Variants in ZBED1 observed in about 807,000 individuals in gnomAD.
ZBED1 encodes the protein zinc finger BED-type containing 1.
In ZBED1, 19 loss-of-function variants were observed where a neutral mutation model predicts 49.7. The ratio of observed to expected loss-of-function variants is 0.38; its 90% CI spans 0.27 to 0.56. The LOEUF (loss-of-function observed/expected upper bound fraction) is 0.56, where lower values mean the gene tolerates loss of function less well. Among genes scored for constraint, ZBED1 ranks in the 20% least tolerant of loss-of-function variants. ZBED1 has a pLI of 0.70. For missense variants in ZBED1, 806 were observed against 972.6 expected (o/e 0.83, Z 2.28); for synonymous variants, 439 against 440.3 (o/e 1.00, Z 0.04).
chrX:2,488,340 A>C lies in ZBED1; in HGVS notation c.*295T>G. On this transcript the variant is annotated 3_prime_UTR_variant, in exon 2 of 2. Transcript: ENST00000652001. Reference sequence around the variant, plus strand: ...CAGGCACATGCCATCAGTCCTGGCTAATTTTTGTATTTTTAGTAGAGACGG... The same window carrying C: ...CAGGCACATGCCATCAGTCCTGGCTCATTTTTGTATTTTTAGTAGAGACGG... 8.4e-6 allele frequency: 3 copies of C among 357,824 alleles called. No individual in the cohort carries two copies. The highest frequency in any genetic ancestry group is 1.5e-5 in the Non-Finnish European group (3 of 202,024). The allele number at this position is 357,824 out of a possible 1,614,324, so 22.2% of individuals were successfully genotyped here.
chrX:2,490,050 T>C lies in ZBED1; in HGVS notation c.670A>G (p.Asn224Asp). Residue 224 changes from asparagine (N) to aspartate (D), a missense_variant, in exon 2 of 2, where the codon AAC becomes GAC. Physicochemically the swap from Asn to Asp is conservative, Grantham distance 23 (BLOSUM62 1). Transcript: ENST00000652001. Reference sequence around the variant, plus strand: ...CAGCGGGAGCCCATGGACAGGCAGTTGGGGGCGCCCAGGCCCAGGAAGTGG... The same window carrying C: ...CAGCGGGAGCCCATGGACAGGCAGTCGGGGGCGCCCAGGCCCAGGAAGTGG... Reference protein sequence around the residue: ...AAHFLGLGAPNCLSMGSRCLK... With the variant: ...AAHFLGLGAPDCLSMGSRCLK... 1.2e-6 allele frequency: 2 copies of C among 1,613,708 alleles called. No homozygotes were observed. The highest frequency in any genetic ancestry group is 1.7e-6 in the Non-Finnish European group (2 of 1,179,848).
chrX:2,497,097 A>C (rs2045304664), intron 1 of ZBED1, among the ~76,000 whole-genome samples: 1 of 152,068 alleles, frequency 6.6e-6, no homozygotes, highest in African/African-American at 2.4e-5. Flanking sequence ...AAGAGATTCT[A>C]TGATCAAGGA....
At chrX:2,498,011 T>G (rs2045324450) in intron 1 of ZBED1, among the ~76,000 whole-genome samples, 1 of 152,208 alleles carries the variant, frequency 6.6e-6, no homozygotes. Context: ...ATGGGAATTC[T>G]CAATTTGCTT....
At chrX:2,500,444 GC>G (rs1406579367) in intron 1 of ZBED1, 5 of 164,268 alleles carry the variant, frequency 3.0e-5, no homozygotes, top group Middle Eastern at 3.0e-3. Flanking sequence ...GGGCGTGCGA[GC>G]CCCCGGGTCC....
chrX:2,490,626 C>A lies in ZBED1; in HGVS notation c.94G>T (p.Asp32Tyr). Residue 32 changes from aspartate (D) to tyrosine (Y), a missense_variant, in exon 2 of 2, where the codon GAC (aspartate) becomes TAC (tyrosine). Asp to Tyr is a radical substitution (Grantham distance 160). Around this residue, in one of 2 missense-constraint regions of ZBED1, gnomAD observed 57 missense variants for 111.3 expected, o/e 0.51. Coordinates refer to ENST00000652001, the MANE Select transcript of ZBED1 (RefSeq NM_001171136.2). Reference sequence around the variant, plus strand: ...AGGATGCATCCCTCGGCGTTGGTGTCGAAGCCGAAATACTTCCACACCTTG... The same window carrying A: ...AGGATGCATCCCTCGGCGTTGGTGTAGAAGCCGAAATACTTCCACACCTTG... ...KSKVWKYFGF[D>Y]TNAEGCILQW... The A allele has an allele frequency of 2.5e-6, 4 of 1,613,944 alleles. No homozygotes were observed. Among genetic ancestry groups the A allele is most frequent in the Non-Finnish European group, 3.4e-6 (4 of 1,179,870 alleles).
At chrX:2,491,831 A>C (rs751457346) in intron 1 of ZBED1, among the ~76,000 whole-genome samples, 22 of 152,208 alleles carry the variant, frequency 1.4e-4, no homozygotes, top group African/African-American at 2.2e-4. Flanking sequence ...AACATCAGGC[A>C]GTCGGTGTGG....
chrX:2,496,933 T>G (rs2045301041), intron 1 of ZBED1, among the ~76,000 whole-genome samples: 3 of 136,734 alleles, frequency 2.2e-5, no homozygotes. Context: ...ATTACATACA[T>G]TTTTGTATGT....
chrX:2,489,449 G>T lies in ZBED1; in HGVS notation c.1271C>A (p.Pro424Gln). Reference sequence around the variant, plus strand: ...GGTGTTCAGGAGCATGTGCAGCAGCGGCTTCACCATGCTGATGGTGGGGTA... The same window carrying T: ...GGTGTTCAGGAGCATGTGCAGCAGCTGCTTCACCATGCTGATGGTGGGGTA... The part of the protein sequence containing the change: ...SRYPTISMVK[P>Q]LLHMLLNTTL... The change falls in exon 2 of 2, where the codon CCG (proline) becomes CAG (glutamine). Residue 424 changes from proline (P) to glutamine (Q), a missense_variant. By Grantham distance (76) the Pro-to-Gln change is moderately conservative. This residue lies in a region of ZBED1 where 749 missense variants were observed against 861.3 expected (regional missense o/e 0.87). Coordinates refer to ENST00000652001, the MANE Select transcript of ZBED1 (RefSeq NM_001171136.2). 1 of 1,613,846 alleles carries T rather than the reference G, an allele frequency of 6.2e-7. No individual in the cohort carries two copies. Among genetic ancestry groups the T allele is most frequent in the Non-Finnish European group, 8.5e-7 (1 of 1,179,848 alleles).
chrX:2,490,095 C>T lies in ZBED1; in HGVS notation c.625G>A (p.Ala209Thr), dbSNP rs760828953. The stretch of plus-strand genomic sequence containing the variant: ...AAGTGGGCGGCCAGCGTGACGTAGG[C>T]GCGGTTCTGATTCTCACTCCTCCAC... ...DMWRSENQNRAYVTLAAHFLG... is the reference protein window; with the variant it reads ...DMWRSENQNRTYVTLAAHFLG... The change falls in exon 2 of 2, where the codon GCC becomes ACC. Residue 209 changes from alanine (A) to threonine (T), a missense_variant. Physicochemically the swap from Ala to Thr is moderately conservative, Grantham distance 58. Transcript: ENST00000652001. The T allele has an allele frequency of 7.4e-6, 12 of 1,613,796 alleles. No homozygotes were observed. The highest frequency in any genetic ancestry group is 1.7e-4 in the Middle Eastern group (1 of 5,996).
chrX:2,499,732 C>T (rs1402902515), intron 1 of ZBED1, among the ~76,000 whole-genome samples: 2 of 152,048 alleles, frequency 1.3e-5, no homozygotes, highest in South Asian at 2.1e-4. Context: ...CGTAGCAAGA[C>T]CCTATTGCTA....
chrX:2,490,891 C>A, intron 1 of ZBED1, 119 bp from the exon 2 acceptor site: 1 of 872,254 alleles, frequency 1.1e-6, no homozygotes, highest in Non-Finnish European at 1.8e-6. Flanking sequence ...GCACTGGGGC[C>A]GGACGGCTGG....
At chrX:2,498,403 C>A (rs752894578) in intron 1 of ZBED1, among the ~76,000 whole-genome samples, 1 of 152,288 alleles carries the variant, frequency 6.6e-6, no homozygotes, top group South Asian at 2.1e-4. Context: ...AGCTGGCCAC[C>A]AGCAGACCAA....
At position 2,488,083 on chromosome X, in the gene ZBED1, G is replaced by C. The variant is rs749030283; in HGVS notation, c.*552C>G. The C allele has an allele frequency of 6.6e-6, 1 of 152,274 alleles. No homozygotes were observed. Among genetic ancestry groups the C allele is most frequent in the African/African-American group, 2.4e-5 (1 of 41,340 alleles). The allele number at this position is 152,274 out of a possible 1,614,324, so 9.4% of individuals were successfully genotyped here. On this transcript the variant is annotated 3_prime_UTR_variant, in exon 2 of 2. Coordinates refer to ENST00000652001, the MANE Select transcript of ZBED1 (RefSeq NM_001171136.2). ...ACAGCTCCTCTAGGCTCTGCTGCAC[G>C]CAATTCCCAAGCAGAAGCGTTGGCA...
In ZBED1 at chrX:2,490,657, G is replaced by A. The variant is rs2045112439; in HGVS notation, c.63C>T (p.Ala21=). The stretch of plus-strand genomic sequence containing the variant: ...CGAAATACTTCCACACCTTGCTCTT[G>A]GCGCGGGGGTGGGCCACCAGCTTCA... ...TDLKLVAHPR[A]KSKVWKYFGF... The change falls in exon 2 of 2, where the codon GCC becomes GCT. Residue 21 remains alanine, a synonymous_variant. Transcript: ENST00000652001. The A allele has an allele frequency of 1.2e-6, 2 of 1,613,976 alleles. No homozygotes were observed. Among genetic ancestry groups the A allele is most frequent in the Non-Finnish European group, 1.7e-6 (2 of 1,179,884 alleles).
chrX:2,490,770 C>G lies in ZBED1; in HGVS notation c.-51G>C, dbSNP rs1398645452. ...TGGACGGCTGCTCATGCGTGGGGAC[C>G]TGCTGAGAAGGGCCAAGACAAACAC... On this transcript the variant is annotated splice_region_variant and 5_prime_UTR_variant, in exon 2 of 2. Transcript: ENST00000652001. The G allele has an allele frequency of 1.3e-6, 2 of 1,578,098 alleles. No homozygotes were observed. Among genetic ancestry groups the G allele is most frequent in the Non-Finnish European group, 1.7e-6 (2 of 1,162,164 alleles).
Position 2,486,924 on chromosome X carries a change from C to T in ZBED1, c.*1711G>A. The T allele has an allele frequency of 6.6e-6, 1 of 152,250 alleles. No homozygotes were observed. Among genetic ancestry groups the T allele is most frequent in the East Asian group, 1.9e-4 (1 of 5,192 alleles). 9.4% of individuals were successfully genotyped at this position (152,250 alleles called of 1,614,324 possible). A position where few individuals can be genotyped will look rare whatever the true frequency, so the allele number is the denominator to read the frequency against. ...GTGAAAGGCAGGTAGTTCCTTTGCCCTCTGACACCCCGAGTTCTTGGGGTC... is the reference window on the plus strand; with the variant it reads ...GTGAAAGGCAGGTAGTTCCTTTGCCTTCTGACACCCCGAGTTCTTGGGGTC... On this transcript the variant is annotated 3_prime_UTR_variant, in exon 2 of 2. Coordinates refer to ENST00000652001, the MANE Select transcript of ZBED1 (RefSeq NM_001171136.2).
chrX:2,500,142 A>T (rs972895466), intron 1 of ZBED1, among the ~76,000 whole-genome samples: 9 of 152,228 alleles, frequency 5.9e-5, no homozygotes, highest in Non-Finnish European at 1.0e-4. Flanking sequence ...CGAGTCCTGC[A>T]AAGTTGGAGA....
chrX:2,492,938 GC>G (rs1296797424), intron 1 of ZBED1, among the ~76,000 whole-genome samples: 3 of 152,232 alleles, frequency 2.0e-5, no homozygotes, highest in Non-Finnish European at 4.4e-5. Context: ...TCTTAGAAAG[GC>G]CCCCCGTCTT....
intron 1 of ZBED1, among the ~76,000 whole-genome samples, chrX:2,491,772 C>T (rs1410859679): frequency 6.6e-6 from 1 of 152,224 alleles, no homozygotes; most frequent in Non-Finnish European, 1.5e-5. Flanking sequence ...TGTCCAGTCA[C>T]ACCTGTGGGC....
Sources: allele counts gnomAD v4.1 joint callset (sites outside exome capture counted in the v4.1 genomes callset), GRCh38; gene constraint gnomAD v4.1.1; regional missense constraint gnomAD v4.1.1; transcripts MANE v1.5; gene names NCBI Gene and HGNC (gene_info 2026-07-23, HGNC 2026-07-21).